CCDC91: variants seen among roughly 807,000 people sequenced by gnomAD.
CCDC91 encodes coiled-coil domain containing 91.
A neutral mutation model predicts 63.2 loss-of-function variants in CCDC91; 48 were observed. That is an observed-to-expected ratio of 0.76 (90% CI 0.60 to 0.97). CCDC91 has a LOEUF of 0.97. Among genes scored for constraint, CCDC91 ranks in the 50% least tolerant of loss-of-function variants. The pLI, the probability that CCDC91 is intolerant of heterozygous loss-of-function variation, is 0.00. For synonymous variants in CCDC91, 167 were observed against 165.8 expected, an observed-to-expected ratio of 1.01 and a Z score of -0.06; for missense variants, 500 against 494.6, an observed-to-expected ratio of 1.01 and a Z score of -0.10.
intron 11 of CCDC91, among the ~76,000 whole-genome samples, chr12:28,472,823 G>A (rs1950888929): frequency 6.6e-6 from 1 of 152,244 alleles, no homozygotes; most frequent in Non-Finnish European, 1.5e-5. Context: ...AAAGTTAGAT[G>A]AAAGTTTCTC....
At chr12:28,474,473 G>A (rs763773204) in intron 11 of CCDC91, among the ~76,000 whole-genome samples, 9 of 151,954 alleles carry the variant, frequency 5.9e-5, no homozygotes, top group Admixed American at 4.6e-4. Context: ...GACCGGATTT[G>A]GCTCATTGGT....
chr12:28,501,708 G>A (rs930449981), intron 12 of CCDC91, among the ~76,000 whole-genome samples: 4 of 151,924 alleles, frequency 2.6e-5, no homozygotes, highest in African/African-American at 7.3e-5. Flanking sequence ...GTATCAGGAC[G>A]ATGCTGGCCT....
At chr12:28,244,526 T>TTTTC (rs3064708) in intron 1 of CCDC91, among the ~76,000 whole-genome samples, 9 of 111,220 alleles carry the variant, frequency 8.1e-5, no homozygotes, top group African/African-American at 2.7e-4. Context: ...TTTTTTTTTT[T>TTTTC]ACAGCTCTAC....
intron 1 of CCDC91, among the ~76,000 whole-genome samples, chr12:28,210,835 G>C (rs1943184833): frequency 6.6e-6 from 1 of 151,912 alleles, no homozygotes; most frequent in African/African-American, 2.4e-5. Context: ...TGCACCCTGA[G>C]CCAGCAGCCA....
chr12:28,304,375 TAAAAAAAAAAAAAAAAAAAA>T (rs777296414), intron 3 of CCDC91, among the ~76,000 whole-genome samples: 1 of 73,596 alleles, frequency 1.4e-5, no homozygotes, highest in African/African-American at 5.9e-5. Flanking sequence ...AGACTCCGTC[TAAAAAAAAAAAAAAAAAAAA>T]AAAAAAGAAA....
chr12:28,240,455 G>A (rs1236798078), intron 1 of CCDC91, among the ~76,000 whole-genome samples: 1 of 151,982 alleles, frequency 6.6e-6, no homozygotes, highest in Admixed American at 6.6e-5. Flanking sequence ...CTTCTGTCAG[G>A]TCATTGGTTT....
intron 1 of CCDC91, among the ~76,000 whole-genome samples, chr12:28,246,926 G>C (rs1945779886): frequency 6.6e-6 from 1 of 152,204 alleles, no homozygotes; most frequent in Non-Finnish European, 1.5e-5. Flanking sequence ...AAAGTAGTTT[G>C]TGAAGAAAAG....
At chr12:28,319,564 A>G (rs1221915235) in intron 6 of CCDC91, 4 of 172,660 alleles carry the variant, frequency 2.3e-5, no homozygotes, top group Admixed American at 6.3e-5. Flanking sequence ...AGTCCCTGAT[A>G]TAAAATGGCA....
At chr12:28,335,465 T>C (rs905767760) in intron 6 of CCDC91, among the ~76,000 whole-genome samples, 1 of 149,208 alleles carries the variant, frequency 6.7e-6, no homozygotes, top group African/African-American at 2.5e-5. Flanking sequence ...TGGAGCGCAA[T>C]GGTGTGATCA....
At chr12:28,522,606 CT>C (rs1394323276) in intron 12 of CCDC91, among the ~76,000 whole-genome samples, 1 of 151,970 alleles carries the variant, frequency 6.6e-6, no homozygotes, top group East Asian at 1.9e-4. Flanking sequence ...TATTTCTTGC[CT>C]TTTGCTAGCT....
At chr12:28,474,398 T>A (rs967764996) in intron 11 of CCDC91, among the ~76,000 whole-genome samples, 1 of 152,098 alleles carries the variant, frequency 6.6e-6, no homozygotes, top group African/African-American at 2.4e-5. Flanking sequence ...AATATTCTCT[T>A]TTTTTCAACA....
At chr12:28,270,191 T>A (rs1947659301) in intron 3 of CCDC91, among the ~76,000 whole-genome samples, 1 of 152,104 alleles carries the variant, frequency 6.6e-6, no homozygotes, top group Admixed American at 6.6e-5. Flanking sequence ...ATTGTTTTAG[T>A]TAATGGACCT....
intron 1 of CCDC91, among the ~76,000 whole-genome samples, chr12:28,225,600 C>T (rs942625933): frequency 3.3e-5 from 5 of 152,016 alleles, no homozygotes; most frequent in Non-Finnish European, 5.9e-5. Context: ...GGATTACAGG[C>T]ACCTGCTACT....
At chr12:28,307,132 TTTAAAG>T (rs1938824844) in intron 5 of CCDC91, among the ~76,000 whole-genome samples, 187 bp downstream of exon 5, 1 of 151,998 alleles carries the variant, frequency 6.6e-6, no homozygotes, top group Admixed American at 6.6e-5. Flanking sequence ...CATATGTACT[TTTAAAG>T]ATATGAACAT....
At chr12:28,372,171 T>A (rs1944661063) in intron 7 of CCDC91, among the ~76,000 whole-genome samples, 1 of 152,188 alleles carries the variant, frequency 6.6e-6, no homozygotes, top group Admixed American at 6.5e-5. Flanking sequence ...TATTTCTGGG[T>A]TCTCTATTCT....
chr12:28,283,219 A>ATTT (rs55784913), intron 3 of CCDC91, among the ~76,000 whole-genome samples: 1 of 138,556 alleles, frequency 7.2e-6, no homozygotes, highest in Non-Finnish European at 1.6e-5. Context: ...GAATTTTAGG[A>ATTT]TTTTTTTTTT....
intron 3 of CCDC91, among the ~76,000 whole-genome samples, chr12:28,305,298 T>C (rs900278787): frequency 6.6e-6 from 1 of 152,096 alleles, no homozygotes; most frequent in Non-Finnish European, 1.5e-5. Flanking sequence ...TGGATTTTTC[T>C]GAATGAAATG....
intron 7 of CCDC91, among the ~76,000 whole-genome samples, chr12:28,378,188 C>G (rs1025910640): frequency 1.3e-5 from 2 of 151,944 alleles, no homozygotes; most frequent in African/African-American, 4.8e-5. Flanking sequence ...CCTATGTTAA[C>G]CAAAGTTTGT....
At chr12:28,421,771 C>G (rs1948028965) in intron 8 of CCDC91, among the ~76,000 whole-genome samples, 1 of 151,986 alleles carries the variant, frequency 6.6e-6, no homozygotes, top group Admixed American at 6.6e-5. Context: ...TTTGTACTTG[C>G]TAGCCCCCAC....
Sources: gnomAD v4.1 joint callset for allele counts (sites outside exome capture counted in the v4.1 genomes callset) on GRCh38, gnomAD v4.1.1 for gene constraint, MANE v1.5 for transcripts, NCBI Gene and HGNC (gene_info 2026-07-23, HGNC 2026-07-21) for gene names.